The following SLC9A9 variants were observed in gnomAD, a reference collection of about 807,000 sequenced individuals.
The protein encoded by SLC9A9 is solute carrier family 9 member A9, also known as sodium/hydrogen exchanger 9.
SLC9A9 carries 62 observed loss-of-function variants against 77.8 expected under a neutral mutation model. That is an observed-to-expected ratio of 0.80 (90% CI 0.65 to 0.98). The LOEUF is 0.98. Among genes scored for constraint, SLC9A9 ranks in the 50% least tolerant of loss-of-function variants. SLC9A9 has a pLI of 0.00. For synonymous variants in SLC9A9, 320 were observed against 283.5 expected, an observed-to-expected ratio of 1.13 and a Z score of -1.29; for missense variants, 775 against 774.9, an observed-to-expected ratio of 1.00 and a Z score of 0.00.
At chr3:143,725,186 CA>C (rs1213489062) in intron 4 of SLC9A9, among the ~76,000 whole-genome samples, 6 of 152,084 alleles carry the variant, frequency 3.9e-5, no homozygotes, top group Admixed American at 1.3e-4. Context: ...TGGTGATTGG[CA>C]CATAGTTCAC....
chr3:143,474,030 A>G (rs1230313960), intron 11 of SLC9A9, among the ~76,000 whole-genome samples: 3 of 152,068 alleles, frequency 2.0e-5, no homozygotes, highest in African/African-American at 4.8e-5. Context: ...GGATGTTAGC[A>G]TGGTTAGGAA....
In SLC9A9 at chr3:143,387,861, G is replaced by A. The variant is rs536243279; in HGVS notation, c.1470-5747C>T. 1.1e-4 allele frequency among the ~76,000 whole-genome samples: 16 copies of A among 151,732 alleles called. No individual in the cohort carries two copies. The South Asian group carries it at 2.5e-3, about 24-fold the overall frequency. On this transcript the variant is annotated intron_variant, in intron 12 of 15. Transcript: ENST00000316549. The stretch of plus-strand genomic sequence containing the variant: ...TAACTAACAAAAGCCTCACTTTTCC[G>A]CTAAAGCCAACAACTTCCATTCTGA...
rs4532135 is a variant in SLC9A9, at chr3:143,836,035, A to G, written c.176-3814T>C. On this transcript the variant is annotated intron_variant, in intron 1 of 15. Coordinates refer to ENST00000316549, the MANE Select transcript of SLC9A9 (RefSeq NM_173653.4). Reference sequence around the variant, plus strand: ...GACAGCAGAGTGTACCTGCACTTTAATGAACCCTGACTTCTCTCCACAGCC... The same window carrying G: ...GACAGCAGAGTGTACCTGCACTTTAGTGAACCCTGACTTCTCTCCACAGCC... 3.7e-3 allele frequency among the ~76,000 whole-genome samples: 565 copies of G among 152,270 alleles called. 5 individuals carry two copies. The highest frequency in any genetic ancestry group is 0.013 in the African/African-American group (543 of 41,546).
intron 13 of SLC9A9, among the ~76,000 whole-genome samples, chr3:143,374,269 T>C (rs1040658401): frequency 1.3e-5 from 2 of 150,808 alleles, no homozygotes; most frequent in African/African-American, 4.9e-5. Flanking sequence ...ACTGAAAATA[T>C]AAAAAATTAG....
intron 6 of SLC9A9, among the ~76,000 whole-genome samples, chr3:143,632,105 T>C (rs1007010633): frequency 6.6e-6 from 1 of 152,170 alleles, no homozygotes; most frequent in Non-Finnish European, 1.5e-5. Flanking sequence ...ACTCCTTGTC[T>C]CACTTTGAGA....
rs1258221524 is a variant in SLC9A9, at chr3:143,585,722, G to C, written c.756-6999C>G. ...TACCTTCCATGGGCCATAGAACACT[G>C]GGCTGGGTGGGCTTACCCCACATAC... On this transcript the variant is annotated intron_variant, in intron 6 of 15. Coordinates refer to ENST00000316549, the MANE Select transcript of SLC9A9 (RefSeq NM_173653.4). Among the ~76,000 whole-genome samples, 5 of 152,162 alleles carry C rather than the reference G, an allele frequency of 3.3e-5. No individual in the cohort carries two copies. The South Asian group carries it at 8.3e-4, about 25-fold the overall frequency.
At chr3:143,604,665 G>A (rs1284063718) in intron 6 of SLC9A9, among the ~76,000 whole-genome samples, 4 of 152,166 alleles carry the variant, frequency 2.6e-5, no homozygotes, top group Non-Finnish European at 5.9e-5. Flanking sequence ...ATATGCCTCC[G>A]AGTATGTGAG....
chr3:143,813,211 A>G (rs909858981), intron 2 of SLC9A9, among the ~76,000 whole-genome samples: 9 of 152,152 alleles, frequency 5.9e-5, no homozygotes, highest in African/African-American at 2.2e-4. Context: ...TATTGGGTCA[A>G]TGAGGCTAAA....
chr3:143,675,818 C>T (rs1204148980), intron 5 of SLC9A9, among the ~76,000 whole-genome samples: 1 of 152,142 alleles, frequency 6.6e-6, no homozygotes, highest in Non-Finnish European at 1.5e-5. Flanking sequence ...TATGCATACT[C>T]TTTGTTTAGT....
chr3:143,837,837 C>A (rs948207926), intron 1 of SLC9A9, among the ~76,000 whole-genome samples: 1 of 152,198 alleles, frequency 6.6e-6, no homozygotes, highest in African/African-American at 2.4e-5. Flanking sequence ...AAGAGATGAG[C>A]TCTCTTCTTT....
At chr3:143,269,411 A>G (rs898211259) in intron 14 of SLC9A9, among the ~76,000 whole-genome samples, 1 of 152,274 alleles carries the variant, frequency 6.6e-6, no homozygotes, top group Non-Finnish European at 1.5e-5. Context: ...CAGTTATTTT[A>G]GAGCTAGGTA....
At chr3:143,750,719 T>A (rs993142484) in intron 4 of SLC9A9, among the ~76,000 whole-genome samples, 1 of 129,704 alleles carries the variant, frequency 7.7e-6, no homozygotes, top group Non-Finnish European at 1.6e-5. Context: ...AACAAAATGC[T>A]GTTAAATATA....
chr3:143,637,573 A>G (rs1020295730), intron 6 of SLC9A9, among the ~76,000 whole-genome samples: 4 of 152,222 alleles, frequency 2.6e-5, no homozygotes, highest in Non-Finnish European at 5.9e-5. Context: ...CTTAGTAAGT[A>G]TATATGCTTT....
At chr3:143,813,292 G>A (rs906817791) in intron 2 of SLC9A9, among the ~76,000 whole-genome samples, 7 of 152,008 alleles carry the variant, frequency 4.6e-5, no homozygotes, top group South Asian at 2.1e-4. Context: ...GCTTATCCTC[G>A]GTCCAAGGAT....
chr3:143,705,476 G>A (rs948611591), intron 4 of SLC9A9, among the ~76,000 whole-genome samples: 1 of 152,098 alleles, frequency 6.6e-6, no homozygotes, highest in Non-Finnish European at 1.5e-5. Context: ...GTAACACAAA[G>A]AATAAATGTT....
intron 4 of SLC9A9, among the ~76,000 whole-genome samples, chr3:143,705,857 A>C (rs1254592766): frequency 2.0e-5 from 3 of 152,222 alleles, no homozygotes; most frequent in African/African-American, 7.2e-5. Flanking sequence ...TAGGTCCATG[A>C]AGAATGCAAA....
At chr3:143,397,929 T>C (rs2033766121) in intron 12 of SLC9A9, among the ~76,000 whole-genome samples, 2 of 152,188 alleles carry the variant, frequency 1.3e-5, no homozygotes, top group African/African-American at 4.8e-5. Context: ...AACTCCTCTA[T>C]GCAATAATCC....
intron 4 of SLC9A9, among the ~76,000 whole-genome samples, chr3:143,765,986 G>A (rs2007300928): frequency 6.6e-6 from 1 of 152,200 alleles, no homozygotes; most frequent in Non-Finnish European, 1.5e-5. Flanking sequence ...ATGTGGCCCA[G>A]TCACTTATGT....
intron 5 of SLC9A9, among the ~76,000 whole-genome samples, chr3:143,662,934 A>G (rs2039002913): frequency 6.6e-6 from 1 of 152,124 alleles, no homozygotes; most frequent in Non-Finnish European, 1.5e-5. Flanking sequence ...CCTGCCTGAC[A>G]GTGGTTCTCC....
Sources: allele counts gnomAD v4.1 joint callset (sites outside exome capture counted in the v4.1 genomes callset), GRCh38; gene constraint gnomAD v4.1.1; transcripts MANE v1.5; gene names NCBI Gene and HGNC (gene_info 2026-07-23, HGNC 2026-07-21).